The following PCDH11X variants were observed in gnomAD, a reference collection of about 807,000 sequenced individuals.
The protein encoded by PCDH11X is protocadherin-11 X-linked.
PCDH11X carries 18 observed loss-of-function variants against 53.3 expected under a neutral mutation model. The observed-to-expected ratio is 0.34, with a 90% CI of 0.23 to 0.50. PCDH11X has a LOEUF of 0.50. Ranked by LOEUF, PCDH11X falls within the 20% of genes least tolerant of loss-of-function variation. The pLI is 0.98. For synonymous variants in PCDH11X, 279 were observed against 393.3 expected (o/e 0.71, Z 3.44); for missense variants, 570 against 1,032.4 (o/e 0.55, Z 6.14).
intron 10 of PCDH11X, among the ~76,000 whole-genome samples, chrX:92,585,982 T>C (rs1452199853): frequency 6.7e-5 from 6 of 89,419 alleles, no homozygotes; most frequent in Non-Finnish European, 1.3e-4. Context: ...CAGGACTTAA[T>C]TGCAATATTC....
At chrX:92,039,040 C>A (rs1181716002) in intron 6 of PCDH11X, among the ~76,000 whole-genome samples, 1 of 111,937 alleles carries the variant, frequency 8.9e-6, no homozygotes, top group Non-Finnish European at 1.9e-5. Context: ...GAGACTTGAA[C>A]CCCAAGCCCA....
intron 6 of PCDH11X, among the ~76,000 whole-genome samples, chrX:92,148,778 G>GTATA (rs757499812): frequency 2.1e-3 from 224 of 104,261 alleles, no homozygotes; most frequent in African/African-American, 7.3e-3. Flanking sequence ...ATATGTGTGT[G>GTATA]TATATATATA....
rs763800218 is a variant in PCDH11X, at chrX:92,273,578, T to G, written c.3144+10435T>G. Reference sequence around the variant, plus strand: ...GAAGTGTTGGGGCGGTGAAAATTTTTGGGGGTGGTATGGAGAGAGAGTGGA... The same window carrying G: ...GAAGTGTTGGGGCGGTGAAAATTTTGGGGGGTGGTATGGAGAGAGAGTGGA... On this transcript the variant is annotated intron_variant, in intron 8 of 10. Coordinates refer to ENST00000682573, the MANE Select transcript of PCDH11X (RefSeq NM_032968.5). 1.1e-3 allele frequency among the ~76,000 whole-genome samples: 116 copies of G among 110,099 alleles called. 1 individual carries two copies. Among genetic ancestry groups the G allele is most frequent in the African/African-American group, 3.7e-3 (112 of 30,199 alleles).
intron 6 of PCDH11X, among the ~76,000 whole-genome samples, chrX:92,100,778 G>T (rs186689048): frequency 0.036 from 3,996 of 110,413 alleles, 204 homozygotes; most frequent in African/African-American, 0.13. Context: ...TATGGAGAGA[G>T]AATGGACGAT....
intron 6 of PCDH11X, among the ~76,000 whole-genome samples, chrX:91,940,373 G>T (rs1283885530): frequency 3.6e-5 from 4 of 111,287 alleles, no homozygotes; most frequent in Non-Finnish European, 7.6e-5. Context: ...AAATAACTTA[G>T]CTATTTATAA....
chrX:92,269,106 A>G (rs1409510529), intron 8 of PCDH11X, among the ~76,000 whole-genome samples: 2 of 111,718 alleles, frequency 1.8e-5, no homozygotes, highest in African/African-American at 6.5e-5. Flanking sequence ...GCTTTATATT[A>G]TCCTGTCTGG....
chrX:92,278,806 G>GTTT (rs35000823), intron 8 of PCDH11X, among the ~76,000 whole-genome samples: 4 of 47,373 alleles, frequency 8.4e-5, no homozygotes, highest in East Asian at 6.2e-4. Context: ...TCTCTTTTCA[G>GTTT]TTTTTTTTTT....
intron 6 of PCDH11X, among the ~76,000 whole-genome samples, chrX:91,950,347 G>A (rs2147870612): frequency 9.3e-6 from 1 of 107,188 alleles, no homozygotes; most frequent in South Asian, 4.2e-4. Flanking sequence ...CATTATACCA[G>A]TCTATATACT....
chrX:92,514,083 GGACAT>G (rs1460097944), intron 10 of PCDH11X, among the ~76,000 whole-genome samples: 1 of 111,966 alleles, frequency 8.9e-6, no homozygotes, highest in East Asian at 2.8e-4. Context: ...CCCATTGTAT[GGACAT>G]GACATATTTT....
At chrX:91,953,029 A>T (rs1273074196) in intron 6 of PCDH11X, among the ~76,000 whole-genome samples, 1 of 110,595 alleles carries the variant, frequency 9.0e-6, no homozygotes, top group Non-Finnish European at 1.9e-5. Context: ...GGAGAGTAGA[A>T]AGATGGTTAC....
chrX:92,004,348 T>C (rs1024466350), intron 6 of PCDH11X, among the ~76,000 whole-genome samples: 2 of 111,259 alleles, frequency 1.8e-5, no homozygotes, highest in Admixed American at 1.9e-4. Flanking sequence ...AAAGAATGTA[T>C]ATTATATAGT....
intron 5 of PCDH11X, among the ~76,000 whole-genome samples, chrX:91,841,248 C>G (rs1212488970): frequency 2.7e-5 from 3 of 111,631 alleles, no homozygotes; most frequent in Non-Finnish European, 5.7e-5. Context: ...TTACTATTAT[C>G]AGAGTCTTGG....
chrX:91,998,785 G>A (rs1271463271), intron 6 of PCDH11X, among the ~76,000 whole-genome samples: 2 of 111,053 alleles, frequency 1.8e-5, no homozygotes, highest in African/African-American at 3.3e-5. Flanking sequence ...GGGCTCATGC[G>A]TTATATTTTC....
At chrX:92,037,145 A>G (rs900844795) in intron 6 of PCDH11X, among the ~76,000 whole-genome samples, 4 of 111,128 alleles carry the variant, frequency 3.6e-5, no homozygotes, top group African/African-American at 1.3e-4. Flanking sequence ...GCACCTATCT[A>G]CTCATCATCT....
chrX:91,939,507 C>A, intron 6 of PCDH11X, among the ~76,000 whole-genome samples: 1 of 108,677 alleles, frequency 9.2e-6, no homozygotes. Flanking sequence ...TTAATGAATC[C>A]AAGCACAAGA....
chrX:92,203,534 G>A (rs181331089), intron 7 of PCDH11X, among the ~76,000 whole-genome samples: 123 of 112,249 alleles, frequency 1.1e-3, no homozygotes, highest in Middle Eastern at 4.6e-3. Flanking sequence ...TGAAACTATC[G>A]TAACCTCCCA....
intron 6 of PCDH11X, among the ~76,000 whole-genome samples, chrX:92,006,628 A>G (rs774578080): frequency 1.3e-4 from 14 of 110,128 alleles, no homozygotes; most frequent in African/African-American, 4.6e-4. Context: ...TATTGAGTTC[A>G]TTTGGTGAGG....
chrX:92,490,837 C>T (rs778112007), intron 10 of PCDH11X, among the ~76,000 whole-genome samples: 1 of 110,414 alleles, frequency 9.1e-6, no homozygotes, highest in Admixed American at 9.7e-5. Flanking sequence ...AGCAAGCAAG[C>T]AAGCGGGCAT....
At chrX:92,283,024 T>C (rs1442570586) in intron 8 of PCDH11X, among the ~76,000 whole-genome samples, 1 of 110,935 alleles carries the variant, frequency 9.0e-6, no homozygotes, top group African/African-American at 3.3e-5. Context: ...AAGAAGTATG[T>C]GAAGCTGGGA....
Sources: allele counts gnomAD v4.1 joint callset (sites outside exome capture counted in the v4.1 genomes callset), GRCh38; gene constraint gnomAD v4.1.1; transcripts MANE v1.5; gene names NCBI Gene and HGNC (gene_info 2026-07-23, HGNC 2026-07-21).